DHRS12: variants seen among roughly 807,000 people sequenced by gnomAD.
The protein encoded by DHRS12 is dehydrogenase/reductase 12, also known as dehydrogenase/reductase SDR family member 12.
In DHRS12, 29 loss-of-function variants were observed where a neutral mutation model predicts 32.1. The ratio of observed to expected loss-of-function variants is 0.90; its 90% CI spans 0.67 to 1.23. DHRS12 has a LOEUF of 1.23. Among genes scored for constraint, DHRS12 ranks in the 50% most tolerant of loss-of-function variants. The pLI, the probability that DHRS12 is intolerant of heterozygous loss-of-function variation, is 0.00. For synonymous variants in DHRS12, 150 were observed against 135.9 expected (o/e 1.10, Z -0.72); for missense variants, 330 against 337.2 (o/e 0.98, Z 0.17).
At position 51,791,176 on chromosome 13, in the gene DHRS12, G is replaced by A; in HGVS notation, c.208C>T (p.Leu70Phe). 1 of 1,569,062 alleles carries A rather than the reference G, an allele frequency of 6.4e-7. No individual in the cohort carries two copies. The highest frequency in any genetic ancestry group is 8.7e-7 in the Non-Finnish European group (1 of 1,154,468). ...TTTACAAAGCTCACCAGAACATGGA[G>A]TTTATGTTCCTGCTTGAAATTTTCA... The part of the protein sequence containing the change: ...FVENFKQEHK[L>F]HVLINNAGCM... Residue 70 changes from leucine to phenylalanine, a missense_variant, in exon 3 of 9, where the codon CTC becomes TTC. Transcript: ENST00000444610.
At chr13:51,761,301 T>G in the DHRS12 span, 1 of 152,210 alleles carries the variant, frequency 6.6e-6, no homozygotes, top group Non-Finnish European at 1.5e-5. Flanking sequence ...TATTCTTGTG[T>G]GTAGTGATTC....
At chr13:51,768,506 G>T in intron 8 of DHRS12, 1 of 1,416,438 alleles carries the variant, frequency 7.1e-7, no homozygotes, top group East Asian at 2.6e-5. Context: ...GGAGGCTGCA[G>T]CCAGGGCTGG....
chr13:51,763,833 T>G (rs963472278), downstream of DHRS12: 2 of 152,336 alleles, frequency 1.3e-5, no homozygotes, highest in Non-Finnish European at 2.9e-5. Context: ...TGCCTGATAT[T>G]AATCACTTCT....
chr13:51,772,165 A>G (rs1355573675), intron 6 of DHRS12, among the ~76,000 whole-genome samples: 3 of 152,154 alleles, frequency 2.0e-5, no homozygotes, highest in African/African-American at 7.2e-5. Context: ...GAGAAGGAAT[A>G]GCAGGCCCAC....
chr13:51,797,365 A>G (rs1406343344), intron 2 of DHRS12, among the ~76,000 whole-genome samples: 1 of 152,216 alleles, frequency 6.6e-6, no homozygotes, highest in African/African-American at 2.4e-5. Flanking sequence ...GAACAGAAAG[A>G]CCACAAAATG....
At chr13:51,765,086 T>C (rs1213267393), downstream of DHRS12, 1 of 152,108 alleles carries the variant, frequency 6.6e-6, no homozygotes, top group African/African-American at 2.4e-5. Context: ...GCAGAGAGTT[T>C]CGTCAATTCA....
At chr13:51,767,892 C>CGGGA (rs1012356734), downstream of DHRS12, 3 of 839,478 alleles carry the variant, frequency 3.6e-6, no homozygotes, top group African/African-American at 5.4e-5. Context: ...CCCCTGCGTC[C>CGGGA]CCTAAGACTG....
chr13:51,762,754 T>A, the DHRS12 span: 1 of 152,326 alleles, frequency 6.6e-6, no homozygotes, highest in East Asian at 1.9e-4. Flanking sequence ...TTTTGCTCTA[T>A]TACTTAAACA....
At chr13:51,773,117 A>G in intron 6 of DHRS12, 1 of 941,794 alleles carries the variant, frequency 1.1e-6, no homozygotes, top group Non-Finnish European at 1.3e-6. Context: ...ATAAGCAGAG[A>G]TACAGCAGTA....
At chr13:51,800,914 GCAA>G (rs2139442839) in intron 1 of DHRS12, among the ~76,000 whole-genome samples, 1 of 152,350 alleles carries the variant, frequency 6.6e-6, no homozygotes, top group Admixed American at 6.5e-5. Flanking sequence ...TGAGTGGCAA[GCAA>G]GACTTCTTAT....
In DHRS12 at chr13:51,768,533, G is replaced by A. The variant is rs181189829; in HGVS notation, c.698-237C>T. The A allele has an allele frequency of 8.7e-3, 12,000 of 1,385,952 alleles. 75 individuals are homozygous for A. Among genetic ancestry groups the A allele is most frequent in the Non-Finnish European group, 9.7e-3 (10,395 of 1,070,920 alleles). 85.9% of individuals were successfully genotyped at this position (1,385,952 alleles called of 1,614,324 possible). ...CAGGGCTGGACGGGAGACCACGTTT[G>A]GGTGATCAGCAGGAAGGGGTGCGGC... On this transcript the variant is annotated intron_variant, in intron 8 of 8. Coordinates refer to ENST00000444610, the MANE Select transcript of DHRS12 (RefSeq NM_001377533.1).
At chr13:51,796,764 C>T (rs151182813) in intron 2 of DHRS12, among the ~76,000 whole-genome samples, 3 of 152,182 alleles carry the variant, frequency 2.0e-5, no homozygotes, top group East Asian at 1.9e-4. Flanking sequence ...AACTGCAGCC[C>T]GCAGATCGCA....
chr13:51,764,043 T>TTAAAA (rs1270922331), downstream of DHRS12: 1 of 152,206 alleles, frequency 6.6e-6, no homozygotes, highest in Non-Finnish European at 1.5e-5. Flanking sequence ...TTTTTCTCCT[T>TTAAAA]TAAAATAATA....
intron 8 of DHRS12, chr13:51,768,954 T>G: frequency 7.1e-7 from 1 of 1,402,064 alleles, no homozygotes; most frequent in Non-Finnish European, 9.2e-7. Context: ...ATCACAAGTC[T>G]CCAAAGAAGC....
At chr13:51,759,011 G>A in the DHRS12 span, among the ~76,000 whole-genome samples, 2 of 152,090 alleles carry the variant, frequency 1.3e-5, no homozygotes, top group African/African-American at 4.8e-5. Context: ...GTGTGACCCT[G>A]TCTTAACAAA....
chr13:51,771,925 AGC>A lies in DHRS12; in HGVS notation c.469-16_469-15del, dbSNP rs760214982. 6.8e-6 allele frequency: 11 copies of A among 1,613,616 alleles called. No individual in the cohort carries two copies. The African/African-American group carries it at 1.5e-4, about 22-fold the overall frequency. ...CACTTGCTGCCTCTGGACAGGAAGG[AGC>A]GAGGGGGTGAACAGGAGAGAGGAGG... On this transcript the variant is annotated splice_polypyrimidine_tract_variant and intron_variant, in intron 6 of 8. Transcript: ENST00000444610.
At chr13:51,786,416 C>T (rs1462113665) in intron 4 of DHRS12, among the ~76,000 whole-genome samples, 2 of 152,176 alleles carry the variant, frequency 1.3e-5, no homozygotes, top group Non-Finnish European at 2.9e-5. Flanking sequence ...CTCTTAATGC[C>T]ACTGAATGCT....
intron 4 of DHRS12, among the ~76,000 whole-genome samples, chr13:51,778,968 ATTAGAG>A (rs1363143029): frequency 6.6e-6 from 1 of 152,150 alleles, no homozygotes; most frequent in African/African-American, 2.4e-5. Flanking sequence ...TATTGAAAGA[ATTAGAG>A]TTATAGAATC....
chr13:51,769,410 C>T (rs754384588), intron 7 of DHRS12, 117 bp from the exon 8 acceptor site: 2 of 903,884 alleles, frequency 2.2e-6, no homozygotes, highest in South Asian at 1.9e-5. Flanking sequence ...TAAACTGCTC[C>T]TTCTATTTTA....
Sources: allele counts gnomAD v4.1 joint callset (sites outside exome capture counted in the v4.1 genomes callset), GRCh38; gene constraint gnomAD v4.1.1; transcripts MANE v1.5; gene names NCBI Gene and HGNC (gene_info 2026-07-23, HGNC 2026-07-21).